Variants in ATAD2 observed in about 807,000 individuals in gnomAD.
The protein encoded by ATAD2 is ATPase family AAA domain containing 2.
ATAD2 carries 62 observed loss-of-function variants against 168.9 expected under a neutral mutation model. The ratio of observed to expected loss-of-function variants is 0.37; its 90% CI spans 0.30 to 0.45. The LOEUF is 0.45. Ranked by LOEUF, ATAD2 falls within the 20% of genes least tolerant of loss-of-function variation. ATAD2 has a pLI of 1.00. For synonymous variants in ATAD2, 613 were observed against 571.6 expected, an observed-to-expected ratio of 1.07 and a Z score of -1.03; for missense variants, 1,419 against 1,667.8, an observed-to-expected ratio of 0.85 and a Z score of 2.60.
chr8:123,356,652 A>ATTT (rs1027047443), intron 12 of ATAD2, among the ~76,000 whole-genome samples, 175 bp from the exon 13 acceptor site: 1 of 143,432 alleles, frequency 7.0e-6, no homozygotes. Context: ...TTTATATATA[A>ATTT]TTTTTTTTTT....
chr8:123,355,084 A>G (rs1828599044), intron 13 of ATAD2, among the ~76,000 whole-genome samples: 1 of 151,764 alleles, frequency 6.6e-6, no homozygotes, highest in South Asian at 2.1e-4. Flanking sequence ...GTCACATATA[A>G]AAAGTTTATC....
chr8:123,367,825 C>A (rs74331869), intron 8 of ATAD2, among the ~76,000 whole-genome samples: 1 of 152,114 alleles, frequency 6.6e-6, no homozygotes, highest in African/African-American at 2.4e-5. Context: ...GACCTAGGGA[C>A]ACAAATAGTA....
At chr8:123,400,608 C>A, upstream of ATAD2, 1 of 598,956 alleles carries the variant, frequency 1.7e-6, no homozygotes, top group South Asian at 1.5e-5. The surrounding 1 kb of genome is among the most constrained non-coding windows in gnomAD (Gnocchi z 4.5). Flanking sequence ...AGGGCACCGG[C>A]TGCGTGCCCG....
In ATAD2 at chr8:123,402,115, G is replaced by A; in HGVS notation, c.-2281-940C>T. On this transcript the variant is annotated intron_variant, in intron 1 of 28. Transcript: ENST00000521903. The surrounding 1 kb of genome is among the most constrained non-coding windows in gnomAD (Gnocchi z 4.8). The stretch of plus-strand genomic sequence containing the variant: ...AGGAGAAGCGGCTGTACTGACAGCA[G>A]TGGAGGCCGAGGTGGTGGAGGGGGC... 2 of 958,904 alleles carry A rather than the reference G, an allele frequency of 2.1e-6. No individual in the cohort carries two copies. Among genetic ancestry groups the A allele is most frequent in the Non-Finnish European group, 3.3e-6 (2 of 602,094 alleles). 59.4% of individuals were successfully genotyped at this position (958,904 alleles called of 1,614,324 possible).
chr8:123,340,641 T>C (rs540553668), intron 19 of ATAD2, among the ~76,000 whole-genome samples: 3 of 152,302 alleles, frequency 2.0e-5, no homozygotes, highest in Non-Finnish European at 4.4e-5. Flanking sequence ...TAAAAAGGAA[T>C]AAAATTTGGA....
At chr8:123,333,422 A>G (rs1300948116) in intron 24 of ATAD2, among the ~76,000 whole-genome samples, 2 of 150,860 alleles carry the variant, frequency 1.3e-5, no homozygotes, top group Non-Finnish European at 3.0e-5. Context: ...AAAAAAAAAA[A>G]AAAAAAAAAA....
chr8:123,412,269 G>A (rs1461996801), intron 1 of ATAD2, among the ~76,000 whole-genome samples: 2 of 152,126 alleles, frequency 1.3e-5, no homozygotes, highest in Non-Finnish European at 2.9e-5. Context: ...TCTCATTTAA[G>A]TCACTAATAT....
At chr8:123,345,243 A>AT (rs1274488094) in intron 18 of ATAD2, among the ~76,000 whole-genome samples, 174 bp from the exon 19 acceptor site, 1 of 152,278 alleles carries the variant, frequency 6.6e-6, no homozygotes, top group African/African-American at 2.4e-5. Context: ...TAAAAGTTTC[A>AT]TTTTTTTGGA....
chr8:123,328,104 G>T, intron 25 of ATAD2, 86 bp downstream of exon 25: 1 of 1,124,988 alleles, frequency 8.9e-7, no homozygotes, highest in Non-Finnish European at 1.2e-6. Context: ...CAAGCAAAAA[G>T]CAATAAACTA....
intron 1 of ATAD2, among the ~76,000 whole-genome samples, chr8:123,408,304 T>A (rs1813094674): frequency 6.6e-6 from 1 of 152,212 alleles, no homozygotes; most frequent in Non-Finnish European, 1.5e-5. Context: ...GTGGAAATCC[T>A]ACAGGGAAAT....
intron 22 of ATAD2, 141 bp from the exon 23 acceptor site, chr8:123,334,463 T>C: frequency 1.2e-6 from 1 of 839,954 alleles, no homozygotes; most frequent in South Asian, 2.6e-5. Flanking sequence ...TTACTGGAAT[T>C]GTCCTATTCT....
At chr8:123,406,872 G>A (rs890613648) in intron 1 of ATAD2, among the ~76,000 whole-genome samples, 2 of 151,762 alleles carry the variant, frequency 1.3e-5, no homozygotes, top group African/African-American at 4.8e-5. Flanking sequence ...TTGGATTAGT[G>A]AGTTGAACTG....
chr8:123,342,941 C>T (rs1202483651), intron 19 of ATAD2, among the ~76,000 whole-genome samples: 1 of 152,070 alleles, frequency 6.6e-6, no homozygotes, highest in African/African-American at 2.4e-5. Context: ...CAATGGTTCA[C>T]TACCTTACGT....
intron 25 of ATAD2, among the ~76,000 whole-genome samples, chr8:123,326,507 A>G (rs1308017321): frequency 7.0e-6 from 1 of 143,046 alleles, no homozygotes; most frequent in Non-Finnish European, 1.5e-5. Context: ...CCATCTCTTT[A>G]AAAAAAAAAA....
rs773194765 is a variant in ATAD2 at position 123,369,170 on chromosome 8, G to A, written c.937C>T (p.Arg313Cys). 5.4e-6 allele frequency: 8 copies of A among 1,483,972 alleles called. No individual in the cohort carries two copies. The highest frequency in any genetic ancestry group is 1.4e-5 in the South Asian group (1 of 71,134). The allele number at this position is 1,483,972 out of a possible 1,614,324, so 91.9% of individuals were successfully genotyped here. The change falls in exon 8 of 28, where the codon CGT (arginine) becomes TGT (cysteine). Residue 313 changes from arginine (R) to cysteine (C), a missense_variant. By Grantham distance (180) the Arg-to-Cys change is radical. Around this residue, in one of 5 missense-constraint regions of ATAD2, gnomAD observed 419 missense variants for 423.5 expected, o/e 0.99. Coordinates refer to ENST00000287394, the MANE Select transcript of ATAD2 (RefSeq NM_014109.4). ...AATATGTTGGGCTTTCTCTGGTGAC[G>A]AGGTTCTAAAAAAAAGAAATATATA... ...VYYQAPLEKP[R>C]HQRKPNIFYS...
chr8:123,387,512 A>G (rs1829678503), intron 1 of ATAD2, among the ~76,000 whole-genome samples: 1 of 152,166 alleles, frequency 6.6e-6, no homozygotes, highest in South Asian at 2.1e-4. Flanking sequence ...CACATGTATT[A>G]CCAGAAAAAA....
chr8:123,369,177 TA>T lies in ATAD2; in HGVS notation c.932-3del, dbSNP rs761718006. 116 of 1,357,922 alleles carry T rather than the reference TA, an allele frequency of 8.5e-5. No individual in the cohort carries two copies. The highest frequency in any genetic ancestry group is 2.5e-4 in the East Asian group (10 of 39,400). The allele number at this position is 1,357,922 out of a possible 1,614,324, so 84.1% of individuals were successfully genotyped here. ...TGGGCTTTCTCTGGTGACGAGGTTCTAAAAAAAAGAAATATATATATATATT... is the reference window on the plus strand; with the variant it reads ...TGGGCTTTCTCTGGTGACGAGGTTCTAAAAAAAGAAATATATATATATATT... On this transcript the variant is annotated splice_region_variant and splice_polypyrimidine_tract_variant and intron_variant, in intron 7 of 27. Transcript: ENST00000287394.
chr8:123,326,515 A>G (rs888059372), intron 25 of ATAD2, among the ~76,000 whole-genome samples: 2 of 152,050 alleles, frequency 1.3e-5, no homozygotes, highest in African/African-American at 4.8e-5. Flanking sequence ...TTAAAAAAAA[A>G]AAAGAAAAAA....
intron 24 of ATAD2, among the ~76,000 whole-genome samples, chr8:123,329,981 C>CTTCTTTTTTTTTTTTTTTT (rs1827731295): frequency 1.0e-5 from 1 of 100,342 alleles, no homozygotes; most frequent in African/African-American, 3.6e-5. Context: ...CCAGTGGCTT[C>CTTCTTTTTTTTTTTTTTTT]TTTTTTTTTT....
Sources: allele counts gnomAD v4.1 joint callset (sites outside exome capture counted in the v4.1 genomes callset), GRCh38; gene constraint gnomAD v4.1.1; regional missense constraint gnomAD v4.1.1; non-coding constraint Gnocchi (gnomAD v3.1); transcripts MANE v1.5; gene names NCBI Gene and HGNC (gene_info 2026-07-23, HGNC 2026-07-21).